Variants in HNF4G observed in about 807,000 individuals in gnomAD.
HNF4G encodes the protein hepatocyte nuclear factor 4-gamma.
HNF4G carries 21 observed loss-of-function variants against 50.9 expected under a neutral mutation model. The observed-to-expected ratio is 0.41, with a 90% CI of 0.29 to 0.59. HNF4G has a LOEUF of 0.59. Among genes scored for constraint, HNF4G ranks in the 20% least tolerant of loss-of-function variants. The probability of loss-of-function intolerance (pLI) is 0.26; values close to 1 mark genes in which losing one functional copy is unlikely to be tolerated. For synonymous variants in HNF4G, 198 were observed against 185.6 expected (o/e 1.07, Z -0.54); for missense variants, 527 against 559.4 (o/e 0.94, Z 0.58).
intron 2 of HNF4G, among the ~76,000 whole-genome samples, chr8:75,509,292 A>G (rs1805686673): frequency 6.6e-6 from 1 of 152,146 alleles, no homozygotes; most frequent in Non-Finnish European, 1.5e-5. Flanking sequence ...CATGACAAAG[A>G]AGTAGAAGGT....
chr8:75,438,121 C>A (rs1381580100), intron 1 of HNF4G, among the ~76,000 whole-genome samples: 2 of 152,060 alleles, frequency 1.3e-5, no homozygotes, highest in Admixed American at 6.6e-5. Context: ...TTTTGTTACA[C>A]TAAATCAATT....
At chr8:75,437,934 A>T (rs1275234648) in intron 1 of HNF4G, among the ~76,000 whole-genome samples, 2 of 152,160 alleles carry the variant, frequency 1.3e-5, no homozygotes, top group Admixed American at 1.3e-4. Context: ...TTCCACAATT[A>T]TTTCTAAATA....
chr8:75,507,567 A>C (rs1049691766), intron 2 of HNF4G, among the ~76,000 whole-genome samples: 4 of 152,198 alleles, frequency 2.6e-5, no homozygotes, highest in African/African-American at 9.6e-5. Context: ...CTGATTTTTA[A>C]AATTCTAATT....
intron 9 of HNF4G, 104 bp downstream of exon 9, chr8:75,560,570 G>T: frequency 1.8e-6 from 2 of 1,098,312 alleles, no homozygotes; most frequent in Non-Finnish European, 2.6e-6. Flanking sequence ...GCAAAAACTT[G>T]GTGTAATTTC....
At chr8:75,543,536 C>T (rs1042000296) in intron 1 of HNF4G, among the ~76,000 whole-genome samples, 2 of 152,176 alleles carry the variant, frequency 1.3e-5, no homozygotes, top group African/African-American at 4.8e-5. Flanking sequence ...ATTCATCCTA[C>T]AGCTAATATT....
chr8:75,502,906 T>C (rs527736831), intron 2 of HNF4G, among the ~76,000 whole-genome samples: 265 of 152,296 alleles, frequency 1.7e-3, no homozygotes, highest in Non-Finnish European at 3.1e-3. Flanking sequence ...ATGATATGGA[T>C]ATATTTTCAA....
At chr8:75,412,056 T>G (rs1303694114) in intron 1 of HNF4G, among the ~76,000 whole-genome samples, 3 of 152,170 alleles carry the variant, frequency 2.0e-5, no homozygotes, top group South Asian at 2.1e-4. Flanking sequence ...TTTATTGATC[T>G]TCTCTCTAGA....
rs147790944 is a variant in HNF4G, at chr8:75,481,695, T to C, written c.-143-8394T>C. Reference sequence around the variant, plus strand: ...GGTGTCACAGCCTTAGTGAGATTTCTGTACTGTCCACAGGGAAATTTAAGA... The same window carrying C: ...GGTGTCACAGCCTTAGTGAGATTTCCGTACTGTCCACAGGGAAATTTAAGA... On this transcript the variant is annotated intron_variant, in intron 1 of 10. Coordinates refer to the HNF4G transcript ENST00000354370. 2.6e-3 allele frequency among the ~76,000 whole-genome samples: 395 copies of C among 152,320 alleles called. 1 individual carries two copies. The highest frequency in any genetic ancestry group is 8.6e-3 in the African/African-American group (357 of 41,574).
intron 6 of HNF4G, among the ~76,000 whole-genome samples, chr8:75,557,651 A>G (rs879593698): frequency 5.3e-5 from 8 of 151,964 alleles, no homozygotes; most frequent in Non-Finnish European, 1.0e-4. Flanking sequence ...ATCACATTGT[A>G]CACCTTAAAT....
chr8:75,546,914 A>T (rs1206912254), intron 2 of HNF4G, among the ~76,000 whole-genome samples: 1 of 152,140 alleles, frequency 6.6e-6, no homozygotes, highest in African/African-American at 2.4e-5. Flanking sequence ...TTATACTATA[A>T]CTTTATGTTT....
At chr8:75,563,461 C>T in intron 9 of HNF4G, among the ~76,000 whole-genome samples, 1 of 148,788 alleles carries the variant, frequency 6.7e-6, no homozygotes. Flanking sequence ...TTTTCAGATG[C>T]TTTTGACTAC....
upstream of HNF4G, among the ~76,000 whole-genome samples, chr8:75,537,400 C>T (rs375914294): frequency 2.2e-4 from 33 of 152,116 alleles, no homozygotes; most frequent in East Asian, 5.8e-3. Flanking sequence ...CATGCCACCA[C>T]GCCTGTCTAG....
intron 1 of HNF4G, among the ~76,000 whole-genome samples, chr8:75,428,484 G>C (rs914962385): frequency 6.6e-6 from 1 of 152,122 alleles, no homozygotes; most frequent in African/African-American, 2.4e-5. Flanking sequence ...AATTACTCCA[G>C]GCTTATTTAA....
chr8:75,407,892 C>A (rs1393497880), upstream of HNF4G: 1 of 152,110 alleles, frequency 6.6e-6, no homozygotes, highest in East Asian at 2.0e-4. Flanking sequence ...GGGTGGGGGA[C>A]CTGCTGCCGG....
At chr8:75,527,199 A>G (rs1305814188) in intron 2 of HNF4G, 1 of 152,138 alleles carries the variant, frequency 6.6e-6, no homozygotes, top group Non-Finnish European at 1.5e-5. Flanking sequence ...ATTGGAGCAA[A>G]ACGGCTATGA....
upstream of HNF4G, among the ~76,000 whole-genome samples, chr8:75,535,110 C>T (rs897921944): frequency 5.3e-5 from 8 of 151,622 alleles, no homozygotes; most frequent in African/African-American, 1.9e-4. Context: ...ATAATCTGGG[C>T]TTTAGGAAAA....
chr8:75,523,022 C>T (rs540294033), intron 2 of HNF4G, among the ~76,000 whole-genome samples: 26 of 151,990 alleles, frequency 1.7e-4, no homozygotes, highest in African/African-American at 5.5e-4. Context: ...GTCAGGAGAT[C>T]GAGACCAGCC....
At chr8:75,536,128 A>T (rs368078195), upstream of HNF4G, among the ~76,000 whole-genome samples, 2 of 152,072 alleles carry the variant, frequency 1.3e-5, no homozygotes, top group East Asian at 3.9e-4. Flanking sequence ...TTCACTAAGT[A>T]AAAGTAATGT....
At chr8:75,426,248 C>T (rs1277076191) in intron 1 of HNF4G, among the ~76,000 whole-genome samples, 4 of 152,138 alleles carry the variant, frequency 2.6e-5, no homozygotes, top group Admixed American at 2.6e-4. Context: ...ACTTCCATTC[C>T]TCGTGGATTT....
Sources: allele counts gnomAD v4.1 joint callset (sites outside exome capture counted in the v4.1 genomes callset), GRCh38; gene constraint gnomAD v4.1.1; transcripts MANE v1.5; gene names NCBI Gene and HGNC (gene_info 2026-07-23, HGNC 2026-07-21).